RXRA: variants seen among roughly 807,000 people sequenced by gnomAD.
RXRA encodes the protein retinoid X receptor alpha.
A neutral mutation model predicts 44.5 loss-of-function variants in RXRA; 5 were observed. The observed-to-expected ratio is 0.11, with a 90% CI of 0.06 to 0.24. The LOEUF (loss-of-function observed/expected upper bound fraction) is 0.24, where lower values mean the gene tolerates loss of function less well. RXRA is among the 10% of genes least tolerant of loss of function. The pLI, the probability that RXRA is intolerant of heterozygous loss-of-function variation, is 1.00. For synonymous variants in RXRA, 291 were observed against 271.4 expected, an observed-to-expected ratio of 1.07 and a Z score of -0.71; for missense variants, 412 against 646.5, an observed-to-expected ratio of 0.64 and a Z score of 3.93.
At chr9:134,414,984 C>T (rs1200253431) in intron 4 of RXRA, among the ~76,000 whole-genome samples, 2 of 152,220 alleles carry the variant, frequency 1.3e-5, no homozygotes, top group African/African-American at 4.8e-5. Flanking sequence ...TCTGCAGCCT[C>T]TGCCAGACCC....
intron 1 of RXRA, among the ~76,000 whole-genome samples, chr9:134,346,649 C>T (rs61502474): frequency 0.076 from 11,576 of 152,280 alleles, 506 homozygotes; most frequent in Admixed American, 0.15. Flanking sequence ...GGGAAAGAAG[C>T]GTGTGTCTGG....
At chr9:134,421,203 A>G (rs1428243781) in intron 5 of RXRA, among the ~76,000 whole-genome samples, 1 of 152,234 alleles carries the variant, frequency 6.6e-6, no homozygotes, top group East Asian at 1.9e-4. Flanking sequence ...CCAGAGAGCC[A>G]AAAGCAGTCT....
At position 134,355,471 on chromosome 9, in the gene RXRA, C is replaced by T. The variant is rs558458922; in HGVS notation, c.28+28812C>T. Among the ~76,000 whole-genome samples, 6 of 134,042 alleles carry T rather than the reference C, an allele frequency of 4.5e-5. No individual in the cohort carries two copies. In the East Asian group the frequency reaches 7.6e-4, roughly 17 times the overall value. The allele number at this position is 134,042 out of a possible 152,430, so 87.9% of individuals were successfully genotyped here. On this transcript the variant is annotated intron_variant, in intron 1 of 9. Transcript: ENST00000481739. Reference sequence around the variant, plus strand: ...AGCTCACCTGCAGCTCAGTCAGCGCCGGGAACTGCTAGTTGTTATTTTTGG... The same window carrying T: ...AGCTCACCTGCAGCTCAGTCAGCGCTGGGAACTGCTAGTTGTTATTTTTGG...
intron 6 of RXRA, chr9:134,423,396 CAT>C: frequency 1.0e-6 from 1 of 985,466 alleles, no homozygotes; most frequent in Non-Finnish European, 1.2e-6. Context: ...AGCCTCAGCC[CAT>C]ACAAGGCGGC....
At position 134,407,232 on chromosome 9, in the gene RXRA, C is replaced by T. The variant is rs1482406837; in HGVS notation, c.280-917C>T. ...ATTGAGCCTCAAACTCTTCCTGTCC[C>T]GTGAGAAGGGGGGATGGGATTTGGA... On this transcript the variant is annotated intron_variant, in intron 2 of 9. Coordinates refer to ENST00000481739, the MANE Select transcript of RXRA (RefSeq NM_002957.6). The surrounding 1 kb of genome is among the most constrained non-coding windows in gnomAD (Gnocchi z 4.8). Among the ~76,000 whole-genome samples the T allele has an allele frequency of 6.6e-5, 10 of 152,216 alleles. No homozygotes were observed. The highest frequency in any genetic ancestry group is 5.2e-4 in the Admixed American group (8 of 15,286).
chr9:134,356,150 G>C (rs573309823), intron 1 of RXRA, among the ~76,000 whole-genome samples: 1 of 152,260 alleles, frequency 6.6e-6, no homozygotes, highest in Admixed American at 6.5e-5. Context: ...GCCCCTGCCA[G>C]GTGGAGCAGG....
At chr9:134,354,768 AC>A in intron 1 of RXRA, among the ~76,000 whole-genome samples, 1 of 152,300 alleles carries the variant, frequency 6.6e-6, no homozygotes, top group East Asian at 1.9e-4. Context: ...TCTGGGCCAA[AC>A]CTGCCTCCGC....
Position 134,352,581 on chromosome 9 carries a change from T to C in RXRA, c.28+25922T>C, listed in dbSNP as rs535913978. ...CTGTCCGGACCACCCAGCCTCCTGC[T>C]GGCCCCGCTTTCCTTTGGTGGGACT... On this transcript the variant is annotated intron_variant, in intron 1 of 9. Coordinates refer to ENST00000481739, the MANE Select transcript of RXRA (RefSeq NM_002957.6). Among the ~76,000 whole-genome samples the C allele has an allele frequency of 7.9e-5, 12 of 152,324 alleles. No homozygotes were observed. The South Asian group carries it at 2.5e-3, about 32-fold the overall frequency.
At chr9:134,353,031 G>C (rs1830240590) in intron 1 of RXRA, among the ~76,000 whole-genome samples, 1 of 152,046 alleles carries the variant, frequency 6.6e-6, no homozygotes, top group Non-Finnish European at 1.5e-5. Flanking sequence ...GTGCTCTCTG[G>C]GCTGGCCTCT....
At chr9:134,401,581 G>A (rs1452372354) in intron 1 of RXRA, 51 bp from the exon 2 acceptor site, 1 of 1,608,766 alleles carries the variant, frequency 6.2e-7, no homozygotes. Context: ...CATTTGGTGG[G>A]GCCTGGAGTC....
chr9:134,424,725 G>C (rs1831405105), intron 6 of RXRA: 2 of 985,470 alleles, frequency 2.0e-6, no homozygotes, highest in Non-Finnish European at 2.4e-6. Flanking sequence ...TGGCTGGAGA[G>C]GACCTGGGTT....
In RXRA at chr9:134,436,791, C is replaced by T; in HGVS notation, c.*177C>T. On this transcript the variant is annotated 3_prime_UTR_variant, in exon 10 of 10. Coordinates refer to ENST00000481739, the MANE Select transcript of RXRA (RefSeq NM_002957.6). ...GTTGTCACCCTCCTTATTTCTGTTA[C>T]TACTTGTCTGTGGCCCAGGGCAGTG... 1.4e-6 allele frequency: 1 copy of T among 703,466 alleles called. No homozygotes were observed. Among genetic ancestry groups the T allele is most frequent in the South Asian group, 1.9e-5 (1 of 52,618 alleles). 43.6% of individuals were successfully genotyped at this position (703,466 alleles called of 1,614,324 possible).
intron 1 of RXRA, among the ~76,000 whole-genome samples, chr9:134,344,798 C>T (rs781819307): frequency 2.2e-4 from 34 of 152,332 alleles, no homozygotes; most frequent in Admixed American, 7.8e-4. Context: ...TGCTGCCTTC[C>T]GTAGGAGACT....
intron 1 of RXRA, among the ~76,000 whole-genome samples, chr9:134,352,217 G>C (rs978318297): frequency 3.3e-5 from 5 of 152,136 alleles, no homozygotes; most frequent in Non-Finnish European, 7.4e-5. Flanking sequence ...GAGGAAAGGG[G>C]CAGACTGACT....
At chr9:134,385,676 C>T (rs942276487) in intron 1 of RXRA, among the ~76,000 whole-genome samples, 4 of 152,224 alleles carry the variant, frequency 2.6e-5, no homozygotes, top group Non-Finnish European at 1.5e-5. Context: ...TGGGCTTCTT[C>T]CAGGCCACCA....
intron 2 of RXRA, chr9:134,403,675 G>A (rs1056599535): frequency 6.6e-6 from 1 of 152,610 alleles, no homozygotes; most frequent in South Asian, 2.1e-4. Flanking sequence ...GCTCTTCTCG[G>A]GGAGGGGATG....
Position 134,421,603 on chromosome 9 carries a change from C to A in RXRA, c.781-73C>A, listed in dbSNP as rs1831332150. 7 of 1,487,524 alleles carry A rather than the reference C, an allele frequency of 4.7e-6. No individual in the cohort carries two copies. The South Asian group carries it at 9.3e-5, about 20-fold the overall frequency. The allele number at this position is 1,487,524 out of a possible 1,614,324, so 92.1% of individuals were successfully genotyped here. A position where few individuals can be genotyped will look rare whatever the true frequency, so the allele number is the denominator to read the frequency against. On this transcript the variant is annotated intron_variant, in intron 5 of 9. Transcript: ENST00000481739. ...GCATGGGCCCAGCGTGTGGCAGGGC[C>A]TGGTCTGGGCTGTGTTTGGTCAGTA...
At chr9:134,396,311 C>T (rs559958446) in intron 1 of RXRA, among the ~76,000 whole-genome samples, 1 of 152,282 alleles carries the variant, frequency 6.6e-6, no homozygotes, top group African/African-American at 2.4e-5. Flanking sequence ...CTTCCTCCTA[C>T]ACTAACCACC....
intron 1 of RXRA, among the ~76,000 whole-genome samples, chr9:134,381,437 C>A (rs972044256): frequency 1.3e-5 from 2 of 151,902 alleles, no homozygotes; most frequent in Non-Finnish European, 2.9e-5. Context: ...ACTGTCTGAG[C>A]GGGAGAGGGA....
Sources: allele counts gnomAD v4.1 joint callset (sites outside exome capture counted in the v4.1 genomes callset), GRCh38; gene constraint gnomAD v4.1.1; non-coding constraint Gnocchi (gnomAD v3.1); transcripts MANE v1.5; gene names NCBI Gene and HGNC (gene_info 2026-07-23, HGNC 2026-07-21).